The following GPC5 variants were observed in gnomAD, a reference collection of about 807,000 sequenced individuals.
GPC5 encodes the protein glypican-5.
Under a neutral mutation model 53.9 loss-of-function variants are expected in GPC5, and 47 were observed. That is an observed-to-expected ratio of 0.87 (90% CI 0.69 to 1.11). GPC5 has a LOEUF of 1.11. Among genes scored for constraint, GPC5 ranks in the 50% most tolerant of loss-of-function variants. The probability of loss-of-function intolerance (pLI) is 0.00; values close to 1 mark genes in which losing one functional copy is unlikely to be tolerated. For synonymous variants in GPC5, 286 were observed against 263.3 expected, an observed-to-expected ratio of 1.09 and a Z score of -0.84; for missense variants, 748 against 713.1, an observed-to-expected ratio of 1.05 and a Z score of -0.56.
At chr13:92,548,865 A>C (rs1461047291) in intron 7 of GPC5, among the ~76,000 whole-genome samples, 2 of 152,092 alleles carry the variant, frequency 1.3e-5, no homozygotes, top group Non-Finnish European at 1.5e-5. Flanking sequence ...GTATCAAAAC[A>C]TCTCATGTGC....
At chr13:92,183,276 C>A (rs916202509) in intron 7 of GPC5, among the ~76,000 whole-genome samples, 2 of 152,108 alleles carry the variant, frequency 1.3e-5, no homozygotes, top group African/African-American at 4.8e-5. Flanking sequence ...TAAGCTCTTA[C>A]GAAGTATAAG....
intron 7 of GPC5, among the ~76,000 whole-genome samples, chr13:92,608,596 A>C: frequency 6.6e-6 from 1 of 152,200 alleles, no homozygotes; most frequent in East Asian, 1.9e-4. Flanking sequence ...AGGGAGTGGA[A>C]GAAGTATCCA....
At chr13:92,375,306 T>C (rs562710548) in intron 7 of GPC5, among the ~76,000 whole-genome samples, 85 of 152,188 alleles carry the variant, frequency 5.6e-4, no homozygotes, top group Non-Finnish European at 9.0e-4. Flanking sequence ...CAGAGTCTCA[T>C]AGATTTTTTT....
chr13:91,437,044 A>G (rs1880033720), intron 1 of GPC5, among the ~76,000 whole-genome samples: 1 of 151,862 alleles, frequency 6.6e-6, no homozygotes, highest in African/African-American at 2.4e-5. Context: ...TGCTTGTTAG[A>G]TCTTGCTCCA....
At chr13:92,735,578 T>C (rs1313008765) in intron 7 of GPC5, among the ~76,000 whole-genome samples, 1 of 152,000 alleles carries the variant, frequency 6.6e-6, no homozygotes, top group African/African-American at 2.4e-5. Context: ...CAAAGAGCTA[T>C]GCAAAGGGTA....
intron 7 of GPC5, among the ~76,000 whole-genome samples, chr13:92,527,186 A>AAAGAAAG (rs1566276887): frequency 1.7e-4 from 3 of 17,666 alleles, no homozygotes; most frequent in Admixed American, 8.3e-4. Flanking sequence ...AAGAAAGAAG[A>AAAGAAAG]AAGAAAGAAA....
rs2034643852 is a variant in GPC5 at position 91,649,505 on chromosome 13, T to C, written c.326-43682T>C. On this transcript the variant is annotated intron_variant, in intron 2 of 7. Coordinates refer to ENST00000377067, the MANE Select transcript of GPC5 (RefSeq NM_004466.6). ...TACACTACTAGTTGCCTCTTTCTGA[T>C]ATTACTTAGAGATCACTAACTGCCA... Among the ~76,000 whole-genome samples, 5 of 152,330 alleles carry C rather than the reference T, an allele frequency of 3.3e-5. No individual in the cohort carries two copies. In the South Asian group the frequency reaches 1.0e-3, roughly 32 times the overall value.
At chr13:92,298,151 G>A (rs2043050806) in intron 7 of GPC5, among the ~76,000 whole-genome samples, 1 of 152,114 alleles carries the variant, frequency 6.6e-6, no homozygotes, top group South Asian at 2.1e-4. Context: ...AATCCGAAGG[G>A]CCAGTCTCAC....
intron 6 of GPC5, among the ~76,000 whole-genome samples, chr13:92,023,692 ACACTCTCTCTCTCT>A (rs1247351059): frequency 1.5e-4 from 16 of 105,438 alleles, no homozygotes; most frequent in African/African-American, 5.3e-4. Context: ...ACACACACAC[ACACTCTCTCTCTCT>A]CTTATAAATT....
rs1350554217 is a variant in GPC5, at chr13:91,830,715, G to GAT, written c.1280+74306_1280+74307dup. Reference sequence around the variant, plus strand: ...CAACATAGAGGGACAGAACTAATAGGATATATATATATGTGTATATATGTA... The same window carrying GAT: ...CAACATAGAGGGACAGAACTAATAGGATATATATATATATGTGTATATATGTA... On this transcript the variant is annotated intron_variant, in intron 5 of 7. Coordinates refer to ENST00000377067, the MANE Select transcript of GPC5 (RefSeq NM_004466.6). Among the ~76,000 whole-genome samples the GAT allele has an allele frequency of 3.9e-3, 551 of 141,940 alleles. 3 individuals carry two copies. Among genetic ancestry groups the GAT allele is most frequent in the African/African-American group, 0.012 (475 of 38,132 alleles). 93.1% of individuals were successfully genotyped at this position (141,940 alleles called of 152,430 possible). A position where few individuals can be genotyped will look rare whatever the true frequency, so the allele number is the denominator to read the frequency against.
chr13:92,240,142 C>T (rs932654587), intron 7 of GPC5: 1 of 151,982 alleles, frequency 6.6e-6, no homozygotes, highest in Non-Finnish European at 1.5e-5. Context: ...TATTCTAATA[C>T]TGATGTTGTA....
At chr13:92,123,617 G>T (rs2041669364) in intron 6 of GPC5, among the ~76,000 whole-genome samples, 1 of 152,004 alleles carries the variant, frequency 6.6e-6, no homozygotes, top group African/African-American at 2.4e-5. Flanking sequence ...CTGACCTTTT[G>T]GTGTTCATTT....
At chr13:91,913,958 A>T (rs538726895) in intron 6 of GPC5, among the ~76,000 whole-genome samples, 5 of 152,306 alleles carry the variant, frequency 3.3e-5, no homozygotes, top group African/African-American at 1.2e-4. Context: ...AATATTATAG[A>T]TTGAAAACAA....
At chr13:91,990,859 T>C (rs950715776) in intron 6 of GPC5, among the ~76,000 whole-genome samples, 3 of 152,222 alleles carry the variant, frequency 2.0e-5, no homozygotes, top group African/African-American at 7.2e-5. Context: ...AATAAATGCA[T>C]GATTTAAAAT....
chr13:91,633,630 C>T (rs74864815), intron 2 of GPC5, among the ~76,000 whole-genome samples: 3,747 of 152,134 alleles, frequency 0.025, 145 homozygotes, highest in African/African-American at 0.085. Flanking sequence ...GTTGAGTGTT[C>T]GTCTGGTTGA....
At chr13:91,664,853 G>A (rs913098470) in intron 2 of GPC5, among the ~76,000 whole-genome samples, 8 of 152,194 alleles carry the variant, frequency 5.3e-5, no homozygotes, top group African/African-American at 1.9e-4. Flanking sequence ...TTTACCTGTG[G>A]ATCCTCTAAG....
chr13:92,663,791 T>TAC (rs1886447373), intron 7 of GPC5, among the ~76,000 whole-genome samples: 1 of 140,008 alleles, frequency 7.1e-6, no homozygotes, highest in African/African-American at 2.7e-5. Context: ...ACACTATATA[T>TAC]ACACACACTA....
intron 7 of GPC5, among the ~76,000 whole-genome samples, chr13:92,620,156 T>C (rs2139113390): frequency 6.6e-6 from 1 of 152,228 alleles, no homozygotes; most frequent in East Asian, 1.9e-4. Context: ...TGTATACTTT[T>C]ATTAAAATTT....
intron 5 of GPC5, among the ~76,000 whole-genome samples, chr13:91,901,614 C>A (rs189607190): frequency 1.3e-5 from 2 of 152,152 alleles, no homozygotes; most frequent in Non-Finnish European, 2.9e-5. Context: ...ATCTCTAGTC[C>A]TTGCTTTCAC....
Sources: gnomAD v4.1 joint callset for allele counts (sites outside exome capture counted in the v4.1 genomes callset) on GRCh38, gnomAD v4.1.1 for gene constraint, MANE v1.5 for transcripts, NCBI Gene and HGNC (gene_info 2026-07-23, HGNC 2026-07-21) for gene names.